ELAVL2: variants seen among roughly 807,000 people sequenced by gnomAD.
ELAVL2 encodes the protein ELAV-like protein 2.
In ELAVL2, 4 loss-of-function variants were observed where a neutral mutation model predicts 34.6. The ratio of observed to expected loss-of-function variants is 0.12; its 90% CI spans 0.06 to 0.26. The LOEUF (loss-of-function observed/expected upper bound fraction) is 0.26. Among genes scored for constraint, ELAVL2 ranks in the 10% least tolerant of loss-of-function variants. The probability of loss-of-function intolerance (pLI) is 1.00; values close to 1 mark genes in which losing one functional copy is unlikely to be tolerated. For synonymous variants in ELAVL2, 193 were observed against 154.8 expected, an observed-to-expected ratio of 1.25 and a Z score of -1.83; for missense variants, 432 against 442.8, an observed-to-expected ratio of 0.98 and a Z score of 0.22.
At chr9:23,834,210 T>C in the ELAVL2 span, among the ~76,000 whole-genome samples, 1 of 152,026 alleles carries the variant, frequency 6.6e-6, no homozygotes, top group Non-Finnish European at 1.5e-5. Context: ...TGTGTCTGGT[T>C]TATGTTGTTG....
rs774471922 is a variant in ELAVL2, at chr9:23,759,754, TTATATATATATATATATATATA to T, written c.229+2230_229+2251del. ...ATATGTGTATACATCATATATAGTA[TTATATATATATATATATATATA>T]TATATATATATATAATGTATAGAAA... On this transcript the variant is annotated intron_variant, in intron 2 of 6. Transcript: ENST00000397312. Among the ~76,000 whole-genome samples the T allele has an allele frequency of 6.8e-3, 553 of 81,354 alleles. 20 individuals are homozygous for T. The East Asian group carries it at 0.12, about 18-fold the overall frequency. 53.4% of individuals were successfully genotyped at this position (81,354 alleles called of 152,430 possible). A position where few individuals can be genotyped will look rare whatever the true frequency, so the allele number is the denominator to read the frequency against.
chr9:23,779,706 A>G (rs1310937313), intron 1 of ELAVL2, among the ~76,000 whole-genome samples: 1 of 152,028 alleles, frequency 6.6e-6, no homozygotes, highest in South Asian at 2.1e-4. Context: ...CATCCAATTC[A>G]TAAGGATGGT....
At chr9:23,761,884 G>C in intron 2 of ELAVL2, 122 bp downstream of exon 2, 1 of 1,289,362 alleles carries the variant, frequency 7.8e-7, no homozygotes. Flanking sequence ...TGTAATAACA[G>C]AGAGAAAATC....
chr9:23,819,352 A>T (rs2064192765), intron 1 of ELAVL2, among the ~76,000 whole-genome samples: 1 of 152,166 alleles, frequency 6.6e-6, no homozygotes, highest in African/African-American at 2.4e-5. Flanking sequence ...AAAAAAACTA[A>T]ATCAGAGAGG....
At chr9:23,786,537 T>G (rs1016932977) in intron 1 of ELAVL2, among the ~76,000 whole-genome samples, 3 of 151,828 alleles carry the variant, frequency 2.0e-5, no homozygotes, top group Admixed American at 2.0e-4. Context: ...TCAATAAAAA[T>G]GTACCTATTA....
intron 1 of ELAVL2, among the ~76,000 whole-genome samples, chr9:23,811,665 G>C (rs1049139174): frequency 6.6e-6 from 1 of 152,190 alleles, no homozygotes; most frequent in African/African-American, 2.4e-5. Flanking sequence ...GAGGCTGCTG[G>C]CACATAATGT....
At chr9:23,732,650 T>C (rs898635380) in intron 2 of ELAVL2, among the ~76,000 whole-genome samples, 6 of 152,180 alleles carry the variant, frequency 3.9e-5, no homozygotes, top group Non-Finnish European at 7.3e-5. Flanking sequence ...TGAGTAGAAT[T>C]AAATTGGCTG....
intron 2 of ELAVL2, chr9:23,735,121 A>AAAAAAAAAAAAAAAAAAAAAAAAAAC: frequency 6.8e-6 from 1 of 147,744 alleles, no homozygotes; most frequent in Non-Finnish European, 1.5e-5. Flanking sequence ...AAAAAAAAAA[A>AAAAAAAAAAAAAAAAAAAAAAAAAAC]AAAAAAGCCC....
At chr9:23,751,321 T>C (rs1195193507) in intron 2 of ELAVL2, among the ~76,000 whole-genome samples, 1 of 152,154 alleles carries the variant, frequency 6.6e-6, no homozygotes, top group Non-Finnish European at 1.5e-5. Context: ...GAAAACAAGA[T>C]GTAAAATTGC....
intron 2 of ELAVL2, among the ~76,000 whole-genome samples, chr9:23,731,686 CTCAA>C (rs2046594500): frequency 1.3e-5 from 2 of 152,068 alleles, no homozygotes; most frequent in Admixed American, 6.6e-5. Flanking sequence ...TTCAAATACA[CTCAA>C]TCAAATTTCT....
chr9:23,761,283 T>C (rs1361792388), intron 2 of ELAVL2, among the ~76,000 whole-genome samples: 1 of 152,116 alleles, frequency 6.6e-6, no homozygotes, highest in African/African-American at 2.4e-5. Context: ...CATGTATTTT[T>C]AGTGTTTGAA....
intron 3 of ELAVL2, among the ~76,000 whole-genome samples, chr9:23,708,343 G>C (rs1009334573): frequency 5.9e-5 from 9 of 152,182 alleles, no homozygotes; most frequent in Non-Finnish European, 1.3e-4. Context: ...CCATGAGGTA[G>C]GCAGCATACA....
At chr9:23,792,974 A>G (rs1439835803) in intron 1 of ELAVL2, among the ~76,000 whole-genome samples, 1 of 151,834 alleles carries the variant, frequency 6.6e-6, no homozygotes, top group Non-Finnish European at 1.5e-5. Flanking sequence ...CAGGGTCCTC[A>G]CTATGTTGTT....
At chr9:23,777,633 G>A (rs748580096) in intron 1 of ELAVL2, among the ~76,000 whole-genome samples, 3 of 143,282 alleles carry the variant, frequency 2.1e-5, no homozygotes, top group East Asian at 2.3e-4. Flanking sequence ...AGTGGGAAAC[G>A]GGGGGTATCA....
intron 1 of ELAVL2, among the ~76,000 whole-genome samples, chr9:23,777,639 TATCATG>T (rs1400189315): frequency 7.9e-5 from 12 of 151,644 alleles, no homozygotes; most frequent in African/African-American, 2.9e-4. Flanking sequence ...AAACGGGGGG[TATCATG>T]AGGTAGAAGC....
At chr9:23,752,225 G>C (rs536843130) in intron 2 of ELAVL2, among the ~76,000 whole-genome samples, 6 of 152,248 alleles carry the variant, frequency 3.9e-5, no homozygotes, top group African/African-American at 1.4e-4. Flanking sequence ...CTGACGTTCA[G>C]AGTCAAAAAG....
At chr9:23,713,485 T>TAGAAAA (rs2041537765) in intron 3 of ELAVL2, among the ~76,000 whole-genome samples, 1 of 152,142 alleles carries the variant, frequency 6.6e-6, no homozygotes. Flanking sequence ...TTTTCAGACT[T>TAGAAAA]TAGAAGGTGA....
intron 3 of ELAVL2, among the ~76,000 whole-genome samples, chr9:23,712,920 A>T (rs1422550359): frequency 6.6e-6 from 1 of 152,222 alleles, no homozygotes; most frequent in Non-Finnish European, 1.5e-5. Context: ...TGGCTGTAAG[A>T]ACTGTATATC....
chr9:23,738,254 C>T (rs1267529749), intron 2 of ELAVL2, among the ~76,000 whole-genome samples: 2 of 152,222 alleles, frequency 1.3e-5, no homozygotes, highest in Admixed American at 1.3e-4. Flanking sequence ...TTGAGAGAAT[C>T]TCAGAACAGA....
Sources: gnomAD v4.1 joint callset for allele counts (sites outside exome capture counted in the v4.1 genomes callset) on GRCh38, gnomAD v4.1.1 for gene constraint, MANE v1.5 for transcripts, NCBI Gene and HGNC (gene_info 2026-07-23, HGNC 2026-07-21) for gene names.